The following PRDM5 variants were observed in gnomAD, a reference collection of about 807,000 sequenced individuals.
The protein encoded by PRDM5 is PR domain zinc finger protein 5.
PRDM5 carries 56 observed loss-of-function variants against 81.2 expected under a neutral mutation model. The observed-to-expected ratio is 0.69, with a 90% CI of 0.56 to 0.86. The LOEUF is 0.86. Ranked by LOEUF, PRDM5 falls within the 40% of genes least tolerant of loss-of-function variation. The probability of loss-of-function intolerance (pLI) is 0.00; values close to 1 mark genes in which losing one functional copy is unlikely to be tolerated. For missense variants in PRDM5, 697 were observed against 770.1 expected (o/e 0.91, Z 1.12); for synonymous variants, 267 against 256.4 (o/e 1.04, Z -0.39).
rs70948365 is a variant in PRDM5 at position 120,872,150 on chromosome 4, C to CAAAAAAAAAAAAAAAAAAAAAAAAAA, written c.178-18611_178-18610insTTTTTTTTTTTTTTTTTTTTTTTTTT. On this transcript the variant is annotated intron_variant, in intron 2 of 15. Transcript: ENST00000264808. ...TGGGCGACAGAGCAAGACTCCATCT[C>CAAAAAAAAAAAAAAAAAAAAAAAAAA]AAAAAAAAAAAAAAAAAAAAAAAAC... 1.1e-3 allele frequency among the ~76,000 whole-genome samples: 45 copies of CAAAAAAAAAAAAAAAAAAAAAAAAAA among 41,826 alleles called. 1 individual carries two copies. The highest frequency in any genetic ancestry group is 1.6e-3 in the Admixed American group (5 of 3,110). 27.4% of individuals were successfully genotyped at this position (41,826 alleles called of 152,430 possible). A position where few individuals can be genotyped will look rare whatever the true frequency, so the allele number is the denominator to read the frequency against.
chr4:120,902,925 A>C (rs1765378446), intron 2 of PRDM5, among the ~76,000 whole-genome samples: 2 of 150,328 alleles, frequency 1.3e-5, no homozygotes, highest in Admixed American at 6.6e-5. Context: ...CCAAGCTCAC[A>C]AAGGCTCACA....
chr4:120,868,710 T>A (rs985168417), intron 2 of PRDM5, among the ~76,000 whole-genome samples: 1 of 152,160 alleles, frequency 6.6e-6, no homozygotes, highest in South Asian at 2.1e-4. Context: ...AAAGGTGGCA[T>A]GGATAGTAGG....
intron 10 of PRDM5, among the ~76,000 whole-genome samples, chr4:120,793,056 A>G (rs912927747): frequency 2.6e-5 from 4 of 152,158 alleles, no homozygotes; most frequent in African/African-American, 9.7e-5. Flanking sequence ...CAACCCCACA[A>G]TATCAGCCCG....
intron 9 of PRDM5, among the ~76,000 whole-genome samples, 166 bp downstream of exon 9, chr4:120,799,495 G>A (rs1751811356): frequency 6.6e-6 from 1 of 152,124 alleles, no homozygotes; most frequent in African/African-American, 2.4e-5. Context: ...TAAATAAACT[G>A]AGGACTAAAG....
intron 2 of PRDM5, among the ~76,000 whole-genome samples, chr4:120,866,953 GATATTA>G (rs1370077043): frequency 6.6e-6 from 1 of 152,174 alleles, no homozygotes; most frequent in Non-Finnish European, 1.5e-5. Flanking sequence ...AGAAGTTAAA[GATATTA>G]AAATGTGTAA....
At chr4:120,783,139 TTTAAAG>T (rs1436775791) in intron 11 of PRDM5, among the ~76,000 whole-genome samples, 1 of 152,112 alleles carries the variant, frequency 6.6e-6, no homozygotes, top group Non-Finnish European at 1.5e-5. Context: ...GCTTTCATAT[TTTAAAG>T]TTAAATAAAT....
rs370387683 is a variant in PRDM5, at chr4:120,863,191, T to TACACACACACACACACACACACAC, written c.178-9675_178-9652dup. Among the ~76,000 whole-genome samples, 12 of 70,310 alleles carry TACACACACACACACACACACACAC rather than the reference T, an allele frequency of 1.7e-4. 1 individual carries two copies. Among genetic ancestry groups the TACACACACACACACACACACACAC allele is most frequent in the Non-Finnish European group, 3.1e-4 (11 of 36,006 alleles). 46.1% of individuals were successfully genotyped at this position (70,310 alleles called of 152,430 possible). ...AAAAAAAAAAATATATATATATATA[T>TACACACACACACACACACACACAC]ACACACACACACACACACACACACA... On this transcript the variant is annotated intron_variant, in intron 2 of 15. Transcript: ENST00000264808.
At chr4:120,699,502 C>T (rs1735049155) in intron 15 of PRDM5, among the ~76,000 whole-genome samples, 1 of 152,072 alleles carries the variant, frequency 6.6e-6, no homozygotes, top group South Asian at 2.1e-4. Flanking sequence ...AAACAAGTGC[C>T]TTGGGACTGT....
At chr4:120,803,685 C>CAAGA (rs1561300896) in intron 8 of PRDM5, among the ~76,000 whole-genome samples, 27 of 152,268 alleles carry the variant, frequency 1.8e-4, no homozygotes. Context: ...GCCTGCCCTA[C>CAAGA]AAGAGCTCCT....
chr4:120,914,733 C>T (rs1336795412), intron 1 of PRDM5, among the ~76,000 whole-genome samples: 1 of 152,128 alleles, frequency 6.6e-6, no homozygotes, highest in Non-Finnish European at 1.5e-5. Flanking sequence ...AATTCACAAT[C>T]ATAAAGAGAT....
chr4:120,709,861 T>G (rs1736699547), intron 15 of PRDM5, among the ~76,000 whole-genome samples: 2 of 152,218 alleles, frequency 1.3e-5, no homozygotes, highest in South Asian at 4.1e-4. Context: ...ACAGCATTAT[T>G]TAACACAAAG....
intron 4 of PRDM5, among the ~76,000 whole-genome samples, chr4:120,820,836 T>C (rs1755160837): frequency 6.6e-6 from 1 of 152,204 alleles, no homozygotes; most frequent in Non-Finnish European, 1.5e-5. Context: ...CAAGACTGAT[T>C]AGTGGCAGAG....
chr4:120,873,252 T>C (rs368453357), intron 2 of PRDM5, among the ~76,000 whole-genome samples: 15 of 152,070 alleles, frequency 9.9e-5, no homozygotes, highest in East Asian at 9.6e-4. Flanking sequence ...GATCTACCCA[T>C]CTCGGCCTCC....
intron 8 of PRDM5, among the ~76,000 whole-genome samples, chr4:120,801,795 G>GT (rs1247969776): frequency 6.6e-6 from 1 of 152,142 alleles, no homozygotes. Flanking sequence ...AAACACCTAT[G>GT]TTTGAGGACC....
chr4:120,815,123 A>G (rs1259969090), intron 7 of PRDM5, among the ~76,000 whole-genome samples: 1 of 152,256 alleles, frequency 6.6e-6, no homozygotes. Flanking sequence ...TAAAACTGAC[A>G]TGAAAGTTCT....
chr4:120,739,616 C>T (rs1741615260), intron 14 of PRDM5, among the ~76,000 whole-genome samples: 1 of 151,956 alleles, frequency 6.6e-6, no homozygotes, highest in Admixed American at 6.6e-5. Context: ...TGTCTATTTT[C>T]CTATGGGATA....
At chr4:120,835,807 G>A (rs1757287004) in intron 3 of PRDM5, among the ~76,000 whole-genome samples, 1 of 151,942 alleles carries the variant, frequency 6.6e-6, no homozygotes, top group African/African-American at 2.4e-5. Flanking sequence ...AAGAATATAA[G>A]CTATAAAGGC....
At chr4:120,914,114 C>T (rs1259804053) in intron 1 of PRDM5, among the ~76,000 whole-genome samples, 3 of 151,500 alleles carry the variant, frequency 2.0e-5, no homozygotes, top group African/African-American at 7.3e-5. Context: ...CTGTGTTCTG[C>T]AGCAGACAGA....
At chr4:120,839,626 A>G (rs1757759583) in intron 3 of PRDM5, among the ~76,000 whole-genome samples, 1 of 152,188 alleles carries the variant, frequency 6.6e-6, no homozygotes. Context: ...AGGCACCACA[A>G]GTTCCCATTC....
Sources: allele counts gnomAD v4.1 joint callset (sites outside exome capture counted in the v4.1 genomes callset), GRCh38; gene constraint gnomAD v4.1.1; transcripts MANE v1.5; gene names NCBI Gene and HGNC (gene_info 2026-07-23, HGNC 2026-07-21).